PARP15: variants seen among roughly 807,000 people sequenced by gnomAD.
PARP15 encodes protein mono-ADP-ribosyltransferase PARP15.
A neutral mutation model predicts 62.1 loss-of-function variants in PARP15; 50 were observed. The observed-to-expected ratio is 0.81, with a 90% confidence interval of 0.64 to 1.02. The LOEUF (loss-of-function observed/expected upper bound fraction) is 1.02. Among genes scored for constraint, PARP15 ranks in the 50% least tolerant of loss-of-function variants. The probability of loss-of-function intolerance (pLI) is 0.00; values close to 1 mark genes in which losing one functional copy is unlikely to be tolerated. For missense variants in PARP15, 820 were observed against 826.5 expected (o/e 0.99, Z 0.10); for synonymous variants, 309 against 293.1 (o/e 1.05, Z -0.55).
At chr3:122,630,648 A>C (rs2107600106) in intron 9 of PARP15, among the ~76,000 whole-genome samples, 1 of 152,254 alleles carries the variant, frequency 6.6e-6, no homozygotes, top group Non-Finnish European at 1.5e-5. Context: ...CACCGCACTC[A>C]AGACTGGGTA....
In PARP15 at chr3:122,633,997, AC is replaced by A. The variant is rs537062540; in HGVS notation, c.1573-1018del. On this transcript the variant is annotated intron_variant, in intron 10 of 11. Transcript: ENST00000464300. Reference sequence around the variant, plus strand: ...AATCCTTCATTGCTTCCTCCAGTCAACCCCCTCACACATTCCCCATTGCAAA... The same window carrying A: ...AATCCTTCATTGCTTCCTCCAGTCAACCCCTCACACATTCCCCATTGCAAA... 1.5e-3 allele frequency among the ~76,000 whole-genome samples: 231 copies of A among 150,834 alleles called. 2 individuals carry two copies. Among genetic ancestry groups the A allele is most frequent in the African/African-American group, 4.7e-3 (192 of 41,000 alleles).
chr3:122,605,207 G>A (rs1424309077), intron 1 of PARP15, among the ~76,000 whole-genome samples: 1 of 152,130 alleles, frequency 6.6e-6, no homozygotes, highest in Non-Finnish European at 1.5e-5. Context: ...AGGGCTGGTG[G>A]TGGGGGATTG....
In PARP15 at chr3:122,635,926, T is replaced by TA; in HGVS notation, c.1864dup (p.Thr622AsnfsTer27). ...AGCACATGTACGTTGTGCGAGTACT[T>TA]ACTGGAGTCTTCACAAAGGGACGTG... is the stretch of plus-strand genomic sequence containing the variant. On this transcript the variant is annotated frameshift_variant, in exon 12 of 12. Coordinates refer to ENST00000464300, the MANE Select transcript of PARP15 (RefSeq NM_001113523.3). LOFTEE classifies it low-confidence loss of function (END_TRUNC). 1 of 1,614,116 alleles carries TA rather than the reference T, an allele frequency of 6.2e-7. No individual in the cohort carries two copies. The highest frequency in any genetic ancestry group is 8.5e-7 in the Non-Finnish European group (1 of 1,180,006).
intron 1 of PARP15, among the ~76,000 whole-genome samples, chr3:122,580,467 A>G (rs1275786306): frequency 6.6e-6 from 1 of 152,210 alleles, no homozygotes; most frequent in Admixed American, 6.5e-5. Context: ...TATTTTTAAA[A>G]ATAATGATAA....
At position 122,635,125 on chromosome 3, in the gene PARP15, G is replaced by T. The variant is rs1180681671; in HGVS notation, c.1678G>T (p.Gly560Trp). The part of the protein sequence containing the change: ...HKNNERLLFH[G>W]TDADSVPYVN... The stretch of plus-strand genomic sequence containing the variant: ...GAATAATGAGAGACTCCTCTTCCAT[G>T]GGACAGATGCAGACTCAGTGCCATA... The change falls in exon 11 of 12, where the codon GGG (glycine) becomes TGG (tryptophan). Residue 560 changes from glycine to tryptophan, a missense_variant. Physicochemically the swap from Gly to Trp is radical, Grantham distance 184. This residue lies in a region of PARP15 where 731 missense variants were observed against 727.7 expected (regional missense o/e 1.00). Coordinates refer to ENST00000464300, the MANE Select transcript of PARP15 (RefSeq NM_001113523.3). 2.5e-6 allele frequency: 4 copies of T among 1,614,050 alleles called. No individual in the cohort carries two copies. In the South Asian group the frequency reaches 4.4e-5, roughly 18 times the overall value.
rs546115197 is a variant in PARP15 at position 122,594,868 on chromosome 3, A to T, written c.187-11068A>T. ...ATTGAAAATATGCCACTTGATGGTGAATGTAATTACATAACAATTTTCTTC... is the reference window on the plus strand; with the variant it reads ...ATTGAAAATATGCCACTTGATGGTGTATGTAATTACATAACAATTTTCTTC... On this transcript the variant is annotated intron_variant, in intron 1 of 11. Transcript: ENST00000464300. 4.1e-5 allele frequency: 40 copies of T among 979,902 alleles called. No individual in the cohort carries two copies. The East Asian group carries it at 4.0e-3, about 98-fold the overall frequency. The allele number at this position is 979,902 out of a possible 1,614,324, so 60.7% of individuals were successfully genotyped here. A position where few individuals can be genotyped will look rare whatever the true frequency, so the allele number is the denominator to read the frequency against.
At chr3:122,578,707 A>T (rs936165216) in intron 1 of PARP15, among the ~76,000 whole-genome samples, 1 of 151,424 alleles carries the variant, frequency 6.6e-6, no homozygotes, top group Non-Finnish European at 1.5e-5. Flanking sequence ...ATTTTTCCTT[A>T]TGAACTTTTC....
intron 10 of PARP15, among the ~76,000 whole-genome samples, chr3:122,633,964 C>G (rs1937204140): frequency 2.0e-5 from 3 of 152,356 alleles, no homozygotes; most frequent in Non-Finnish European, 4.4e-5. Flanking sequence ...ACCCTCCAGG[C>G]TTCCTGGAAT....
chr3:122,606,084 A>G (rs1171844863), intron 2 of PARP15, 29 bp downstream of exon 2: 3 of 1,546,330 alleles, frequency 1.9e-6, no homozygotes, highest in Non-Finnish European at 2.6e-6. Context: ...TAAATCTACC[A>G]AGGAACAGTG....
rs1307598076 is a variant in PARP15, at chr3:122,639,026, A to G, written c.*2926A>G. 1 of 152,144 alleles carries G rather than the reference A, an allele frequency of 6.6e-6. No individual in the cohort carries two copies. The highest frequency in any genetic ancestry group is 6.6e-5 in the Admixed American group (1 of 15,258). The allele number at this position is 152,144 out of a possible 1,614,324, so 9.4% of individuals were successfully genotyped here. A position where few individuals can be genotyped will look rare whatever the true frequency, so the allele number is the denominator to read the frequency against. On this transcript the variant is annotated 3_prime_UTR_variant, in exon 12 of 12. Transcript: ENST00000464300. ...AGTGTATCATTTTCCTCGTCATTAA[A>G]TATTTTACGTATCATTTTTAATGGT...
intron 2 of PARP15, among the ~76,000 whole-genome samples, 186 bp from the exon 3 acceptor site, chr3:122,610,308 G>C (rs1935469427): frequency 2.0e-5 from 3 of 152,118 alleles, no homozygotes; most frequent in African/African-American, 7.2e-5. Context: ...CTAAGTTTTG[G>C]AAGTAACCTC....
chr3:122,577,976 G>T, intron 1 of PARP15, 123 bp downstream of exon 1: 1 of 1,060,572 alleles, frequency 9.4e-7, no homozygotes, highest in Non-Finnish European at 1.3e-6. Context: ...CTTCTAGGGG[G>T]CGCCGACTAC....
At chr3:122,585,558 G>A (rs1282237083) in intron 1 of PARP15, among the ~76,000 whole-genome samples, 1 of 152,188 alleles carries the variant, frequency 6.6e-6, no homozygotes, top group Non-Finnish European at 1.5e-5. Context: ...TTGCTCCTGA[G>A]CACTTAGGTT....
chr3:122,604,903 G>A (rs1384776233), intron 1 of PARP15, among the ~76,000 whole-genome samples: 3 of 151,986 alleles, frequency 2.0e-5, no homozygotes, highest in Non-Finnish European at 2.9e-5. Context: ...GGGTGTGGTG[G>A]TGTGCACCTG....
At chr3:122,586,785 A>G (rs1933470214) in intron 1 of PARP15, among the ~76,000 whole-genome samples, 1 of 151,658 alleles carries the variant, frequency 6.6e-6, no homozygotes, top group Non-Finnish European at 1.5e-5. Flanking sequence ...CACAATTTAT[A>G]AACCTACATT....
At chr3:122,605,121 G>T (rs1447801864) in intron 1 of PARP15, among the ~76,000 whole-genome samples, 2 of 152,128 alleles carry the variant, frequency 1.3e-5, no homozygotes, top group Admixed American at 6.5e-5. Context: ...TCCCACTGGG[G>T]AAACTCATAG....
Position 122,635,031 on chromosome 3 carries a change from A to G in PARP15, c.1584A>G (p.Ile528Met). The G allele has an allele frequency of 1.2e-6, 2 of 1,613,994 alleles. No individual in the cohort carries two copies. Among genetic ancestry groups the G allele is most frequent in the East Asian group, 2.2e-5 (1 of 44,866 alleles). Residue 528 changes from isoleucine (I) to methionine (M), a missense_variant, in exon 11 of 12, where the codon ATA (isoleucine) becomes ATG (methionine). Around this residue, in one of 3 missense-constraint regions of PARP15, gnomAD observed 731 missense variants for 727.7 expected, o/e 1.00. Transcript: ENST00000464300. ...TTTGTTACCTGCAGATTGAGAGGATACAGAATGCATTTCTCTGGCAGAGCT... is the reference window on the plus strand; with the variant it reads ...TTTGTTACCTGCAGATTGAGAGGATGCAGAATGCATTTCTCTGGCAGAGCT... ...SSYAIEKIER[I>M]QNAFLWQSYQ...
chr3:122,613,882 TGTGATCTCGGCTCACTGCAGCGGC>T (rs971400404), intron 4 of PARP15, among the ~76,000 whole-genome samples: 13 of 141,148 alleles, frequency 9.2e-5, no homozygotes, highest in African/African-American at 3.2e-4. Flanking sequence ...AGTGCAGTGG[TGTGATCTCGGCTCACTGCAGCGGC>T]GTGATCTCAG....
chr3:122,597,240 A>C (rs1368567409), intron 1 of PARP15, among the ~76,000 whole-genome samples: 12 of 152,296 alleles, frequency 7.9e-5, no homozygotes, highest in Non-Finnish European at 1.5e-4. Flanking sequence ...CTCCACACTT[A>C]TGACCTAATC....
Sources: allele counts gnomAD v4.1 joint callset (sites outside exome capture counted in the v4.1 genomes callset), GRCh38; gene constraint gnomAD v4.1.1; regional missense constraint gnomAD v4.1.1; transcripts MANE v1.5; gene names NCBI Gene and HGNC (gene_info 2026-07-23, HGNC 2026-07-21).